GLIS3: variants seen among roughly 807,000 people sequenced by gnomAD.
The protein encoded by GLIS3 is zinc finger protein GLIS3.
A neutral mutation model predicts 78.6 loss-of-function variants in GLIS3; 53 were observed. The ratio of observed to expected loss-of-function variants is 0.67; its 90% CI spans 0.54 to 0.85. GLIS3 has a LOEUF of 0.85. Among genes scored for constraint, GLIS3 ranks in the 40% least tolerant of loss-of-function variants. GLIS3 has a pLI of 0.00. For synonymous variants in GLIS3, 684 were observed against 509.9 expected (o/e 1.34, Z -4.60); for missense variants, 1,703 against 1,231.1 (o/e 1.38, Z -5.74).
At chr9:4,242,902 A>C (rs982993583) in intron 2 of GLIS3, among the ~76,000 whole-genome samples, 1 of 152,232 alleles carries the variant, frequency 6.6e-6, no homozygotes, top group Non-Finnish European at 1.5e-5. Flanking sequence ...TAAAATTTTT[A>C]AATTATGTAT....
At chr9:4,350,667 G>T (rs2130599927), upstream of GLIS3, among the ~76,000 whole-genome samples, 1 of 152,202 alleles carries the variant, frequency 6.6e-6, no homozygotes, top group African/African-American at 2.4e-5. Flanking sequence ...CCCACCTTTG[G>T]TATTTCTCTC....
At chr9:4,102,861 C>T (rs868089235) in intron 4 of GLIS3, among the ~76,000 whole-genome samples, 1 of 151,984 alleles carries the variant, frequency 6.6e-6, no homozygotes, top group African/African-American at 2.4e-5. Flanking sequence ...ACTGTTGCAA[C>T]CTCCATTTTC....
At chr9:4,196,604 C>T (rs1172529682) in intron 2 of GLIS3, among the ~76,000 whole-genome samples, 1 of 152,120 alleles carries the variant, frequency 6.6e-6, no homozygotes, top group Non-Finnish European at 1.5e-5. Context: ...GTAACACTCA[C>T]CGCAAAGGTA....
At chr9:4,260,645 C>T (rs1407439609) in intron 2 of GLIS3, among the ~76,000 whole-genome samples, 1 of 151,796 alleles carries the variant, frequency 6.6e-6, no homozygotes, top group Non-Finnish European at 1.5e-5. Flanking sequence ...ACTCAGGAGG[C>T]TGAGGCACAA....
At chr9:3,955,191 G>C (rs566698546) in intron 4 of GLIS3, among the ~76,000 whole-genome samples, 2 of 152,256 alleles carry the variant, frequency 1.3e-5, no homozygotes, top group Admixed American at 1.3e-4. Flanking sequence ...AGTAATCAGG[G>C]AAGATGGCCC....
the GLIS3 span, among the ~76,000 whole-genome samples, chr9:4,475,777 A>T: frequency 2.0e-5 from 3 of 152,242 alleles, no homozygotes; most frequent in Non-Finnish European, 4.4e-5. Context: ...ATTTTCTAAA[A>T]AGAGGCAACT....
the GLIS3 span, among the ~76,000 whole-genome samples, chr9:4,432,424 G>A: frequency 6.6e-6 from 1 of 152,126 alleles, no homozygotes; most frequent in African/African-American, 2.4e-5. Flanking sequence ...GTAAGCGCAT[G>A]TAGTTCAGTT....
intron 1 of GLIS3, among the ~76,000 whole-genome samples, chr9:4,287,771 T>C (rs1828127929): frequency 6.6e-6 from 1 of 152,222 alleles, no homozygotes; most frequent in Admixed American, 6.5e-5. Flanking sequence ...AGAAACACTT[T>C]TTGTGAAGAG....
intron 4 of GLIS3, among the ~76,000 whole-genome samples, chr9:3,940,096 T>C (rs1220991662): frequency 6.6e-6 from 1 of 152,234 alleles, no homozygotes; most frequent in African/African-American, 2.4e-5. Context: ...AACCCTGTAA[T>C]TCATCACAAG....
At chr9:4,183,390 A>T (rs1817499131) in intron 2 of GLIS3, among the ~76,000 whole-genome samples, 1 of 152,194 alleles carries the variant, frequency 6.6e-6, no homozygotes, top group Admixed American at 6.5e-5. Flanking sequence ...CATTACTCAT[A>T]TAATAGATAT....
chr9:3,931,626 G>A (rs681080), intron 6 of GLIS3, among the ~76,000 whole-genome samples: 2 of 151,978 alleles, frequency 1.3e-5, no homozygotes, highest in African/African-American at 4.8e-5. Flanking sequence ...AAGGTAGTAA[G>A]CTCTCTGTCT....
chr9:4,060,078 G>C (rs999525931), intron 4 of GLIS3, among the ~76,000 whole-genome samples: 4 of 152,004 alleles, frequency 2.6e-5, no homozygotes, highest in African/African-American at 9.7e-5. Context: ...GTCAACTCAT[G>C]TGAGCCCATT....
chr9:4,035,270 A>T (rs1824206519), intron 4 of GLIS3, among the ~76,000 whole-genome samples: 1 of 152,110 alleles, frequency 6.6e-6, no homozygotes, highest in Non-Finnish European at 1.5e-5. Flanking sequence ...TTGTTAGAAG[A>T]TCCTACAGAT....
the GLIS3 span, among the ~76,000 whole-genome samples, chr9:4,387,873 ATT>A: frequency 6.6e-6 from 1 of 152,362 alleles, no homozygotes; most frequent in East Asian, 1.9e-4. Context: ...TTACAGCAGA[ATT>A]TGTTATAGAA....
chr9:4,056,686 C>T (rs1011232602), intron 4 of GLIS3, among the ~76,000 whole-genome samples: 4 of 152,168 alleles, frequency 2.6e-5, no homozygotes, highest in African/African-American at 4.8e-5. Flanking sequence ...CACACATGCA[C>T]GTGTGCATAT....
At chr9:4,162,985 T>TA (rs949215835) in intron 2 of GLIS3, among the ~76,000 whole-genome samples, 4 of 151,800 alleles carry the variant, frequency 2.6e-5, no homozygotes, top group African/African-American at 9.7e-5. Flanking sequence ...CCCAGCTCCC[T>TA]AAGTAGGGTA....
At chr9:4,272,670 T>C (rs1225053619) in intron 2 of GLIS3, among the ~76,000 whole-genome samples, 1 of 152,252 alleles carries the variant, frequency 6.6e-6, no homozygotes, top group Non-Finnish European at 1.5e-5. Flanking sequence ...GAAACTTGTG[T>C]GTTTTACGTA....
At chr9:4,019,868 C>A (rs1490605968) in intron 4 of GLIS3, among the ~76,000 whole-genome samples, 1 of 152,074 alleles carries the variant, frequency 6.6e-6, no homozygotes, top group Non-Finnish European at 1.5e-5. Flanking sequence ...ACGAGTCCCC[C>A]ACAAGTAGCA....
At chr9:4,320,036 A>G (rs1008080615) in intron 2 of GLIS3, among the ~76,000 whole-genome samples, 27 of 150,974 alleles carry the variant, frequency 1.8e-4, no homozygotes, top group African/African-American at 5.9e-4. Context: ...CGCGCGCACA[A>G]GAGTCAAATT....
Sources: gnomAD v4.1 joint callset for allele counts (sites outside exome capture counted in the v4.1 genomes callset) on GRCh38, gnomAD v4.1.1 for gene constraint, MANE v1.5 for transcripts, NCBI Gene and HGNC (gene_info 2026-07-23, HGNC 2026-07-21) for gene names.